The following NFIA variants were observed in gnomAD, a reference collection of about 807,000 sequenced individuals.
NFIA encodes nuclear factor I A.
In NFIA, 8 loss-of-function variants were observed where a neutral mutation model predicts 62.8. That is an observed-to-expected ratio of 0.13 (90% CI 0.07 to 0.23). The LOEUF is 0.23. Ranked by LOEUF, NFIA falls within the 10% of genes least tolerant of loss-of-function variation. NFIA has a pLI of 1.00. For missense variants in NFIA, 410 were observed against 642.1 expected (o/e 0.64, Z 3.91); for synonymous variants, 235 against 238.1 (o/e 0.99, Z 0.12).
intron 7 of NFIA, among the ~76,000 whole-genome samples, chr1:61,399,956 GGAA>G (rs1665469661): frequency 6.6e-6 from 1 of 152,078 alleles, no homozygotes; most frequent in Admixed American, 6.5e-5. Context: ...TGCTTTTAAC[GGAA>G]GAAGCATTTT....
At chr1:61,155,605 G>A (rs1297060657) in intron 2 of NFIA, among the ~76,000 whole-genome samples, 3 of 141,446 alleles carry the variant, frequency 2.1e-5, no homozygotes, top group Admixed American at 7.7e-5. Flanking sequence ...CCCGGGAAGC[G>A]GAGCTTGCAG....
chr1:61,187,220 T>G (rs564403323), intron 2 of NFIA, among the ~76,000 whole-genome samples: 2 of 152,278 alleles, frequency 1.3e-5, no homozygotes, highest in East Asian at 3.9e-4. Flanking sequence ...ACTGCTATTA[T>G]TATTATTATG....
At chr1:61,159,731 G>C (rs1040723503) in intron 2 of NFIA, among the ~76,000 whole-genome samples, 2 of 146,180 alleles carry the variant, frequency 1.4e-5, no homozygotes, top group Non-Finnish European at 3.0e-5. Flanking sequence ...GCCCGGGCTG[G>C]AGTGCAGTGG....
At chr1:61,315,761 A>G (rs1308105968) in intron 3 of NFIA, among the ~76,000 whole-genome samples, 2 of 152,094 alleles carry the variant, frequency 1.3e-5, no homozygotes, top group Non-Finnish European at 2.9e-5. Flanking sequence ...GGTTGTGTTC[A>G]TTTGGTTTTA....
intron 1 of NFIA, among the ~76,000 whole-genome samples, chr1:61,086,674 T>C (rs910947584): frequency 3.9e-5 from 6 of 152,164 alleles, no homozygotes; most frequent in African/African-American, 1.4e-4. Context: ...AGCTCAGTCA[T>C]ATAGAGTGTT....
At chr1:61,077,648 CT>C, upstream of NFIA, 1 of 1,409,296 alleles carries the variant, frequency 7.1e-7, no homozygotes, top group Non-Finnish European at 9.4e-7. Context: ...ACATCTTAAA[CT>C]TTCTATTTTG....
intron 2 of NFIA, among the ~76,000 whole-genome samples, chr1:61,090,948 C>T (rs1646309302): frequency 1.3e-5 from 2 of 152,182 alleles, no homozygotes; most frequent in South Asian, 2.1e-4. Flanking sequence ...TGAGGTAGAT[C>T]GGTCAACTTA....
chr1:61,440,026 G>A (rs1423511701), intron 10 of NFIA, among the ~76,000 whole-genome samples: 5 of 152,114 alleles, frequency 3.3e-5, no homozygotes, highest in East Asian at 1.9e-4. Context: ...GGAAATAAAA[G>A]GTCAACCATT....
At chr1:61,092,759 A>G (rs1384763025) in intron 2 of NFIA, among the ~76,000 whole-genome samples, 2 of 152,120 alleles carry the variant, frequency 1.3e-5, no homozygotes, top group Non-Finnish European at 2.9e-5. Flanking sequence ...ATTCCTTCAT[A>G]TAGTAATAGA....
chr1:61,211,231 C>T (rs1023141121), intron 2 of NFIA, among the ~76,000 whole-genome samples: 1 of 152,114 alleles, frequency 6.6e-6, no homozygotes, highest in South Asian at 2.1e-4. Flanking sequence ...CAAACAGTAC[C>T]CAGTTTTTAT....
chr1:61,136,182 G>A (rs942236734), intron 2 of NFIA, among the ~76,000 whole-genome samples: 20 of 152,270 alleles, frequency 1.3e-4, no homozygotes, highest in African/African-American at 4.3e-4. Context: ...TGGATTCACC[G>A]TGTCACAGCC....
intron 2 of NFIA, among the ~76,000 whole-genome samples, chr1:61,245,324 A>G (rs939957489): frequency 2.0e-5 from 3 of 152,188 alleles, no homozygotes; most frequent in Non-Finnish European, 2.9e-5. Context: ...GGAAAACTTC[A>G]TTATAACATC....
chr1:61,291,118 T>G (rs1371368991), intron 3 of NFIA, among the ~76,000 whole-genome samples: 2 of 152,216 alleles, frequency 1.3e-5, no homozygotes, highest in African/African-American at 2.4e-5. Flanking sequence ...CCTTTAACTT[T>G]ATCTTAGGAA....
intron 2 of NFIA, among the ~76,000 whole-genome samples, chr1:61,174,665 G>A (rs1650200982): frequency 6.6e-6 from 1 of 152,140 alleles, no homozygotes; most frequent in South Asian, 2.1e-4. Flanking sequence ...TTTTGTTTTT[G>A]ATTCCACAAG....
chr1:61,165,425 T>C (rs574300688), intron 2 of NFIA, among the ~76,000 whole-genome samples: 2 of 152,354 alleles, frequency 1.3e-5, no homozygotes, highest in South Asian at 4.1e-4. Context: ...TATGCATGTA[T>C]GTAGTTGAAG....
chr1:61,352,434 G>T lies in NFIA; in HGVS notation c.701-16G>T. The T allele has an allele frequency of 6.4e-7, 1 of 1,568,832 alleles. No homozygotes were observed. The highest frequency in any genetic ancestry group is 1.1e-5 in the South Asian group (1 of 88,802). ...CACAGAATTTAACTGATTTTTGTTT[G>T]TTTTCTTAATTCTAGCACCAATAGC... On this transcript the variant is annotated splice_polypyrimidine_tract_variant and intron_variant, in intron 4 of 10. Transcript: ENST00000403491.
At position 61,259,437 on chromosome 1, in the gene NFIA, G is replaced by A. The variant is rs139456296; in HGVS notation, c.560-18083G>A. Among the ~76,000 whole-genome samples, 14 of 152,280 alleles carry A rather than the reference G, an allele frequency of 9.2e-5. No homozygotes were observed. The East Asian group carries it at 1.4e-3, about 15-fold the overall frequency. On this transcript the variant is annotated intron_variant, in intron 2 of 10. Coordinates refer to ENST00000403491, the MANE Select transcript of NFIA (RefSeq NM_001134673.4). ...GCAAGCACTTCATTTAGGCAAGTAC[G>A]AGCTGTGTGCCCTCAAGGGCTTATA...
intron 2 of NFIA, among the ~76,000 whole-genome samples, chr1:61,205,063 C>G (rs952153834): frequency 2.6e-5 from 4 of 152,164 alleles, no homozygotes; most frequent in Admixed American, 6.5e-5. Context: ...TTCATTTTCA[C>G]TATCAATTAG....
At chr1:61,173,489 G>T (rs1336467935) in intron 2 of NFIA, among the ~76,000 whole-genome samples, 1 of 152,132 alleles carries the variant, frequency 6.6e-6, no homozygotes, top group Non-Finnish European at 1.5e-5. Flanking sequence ...CTGGGTTCAA[G>T]TGATTCTCCT....
Sources: gnomAD v4.1 joint callset for allele counts (sites outside exome capture counted in the v4.1 genomes callset) on GRCh38, gnomAD v4.1.1 for gene constraint, MANE v1.5 for transcripts, NCBI Gene and HGNC (gene_info 2026-07-23, HGNC 2026-07-21) for gene names.